Variants in LAMP1 observed in about 807,000 individuals in gnomAD.
The protein encoded by LAMP1 is lysosome-associated membrane glycoprotein 1.
In LAMP1, 7 loss-of-function variants were observed where a neutral mutation model predicts 37.5. The observed-to-expected ratio is 0.19, with a 90% CI of 0.11 to 0.35. LAMP1 has a LOEUF of 0.35. Ranked by LOEUF, LAMP1 falls within the 10% of genes least tolerant of loss-of-function variation. The pLI is 1.00. For synonymous variants in LAMP1, 236 were observed against 229.1 expected (o/e 1.03, Z -0.27); for missense variants, 537 against 552.8 (o/e 0.97, Z 0.29).
rs114822730 is a variant in LAMP1, at chr13:113,301,211, A to G, written c.61+3716A>G. ...AGCTTTTTAGAAATATACATACCAC[A>G]GCGAGGCACAGTGGCTCATGCCTGT... On this transcript the variant is annotated intron_variant, in intron 1 of 8. Transcript: ENST00000332556. Among the ~76,000 whole-genome samples, 355 of 152,276 alleles carry G rather than the reference A, an allele frequency of 2.3e-3. 3 individuals are homozygous for G. The highest frequency in any genetic ancestry group is 8.3e-3 in the African/African-American group (343 of 41,540).
In LAMP1 at chr13:113,297,419, C is replaced by G; in HGVS notation, c.-16C>G. On this transcript the variant is annotated 5_prime_UTR_variant, in exon 1 of 9. Coordinates refer to ENST00000332556, the MANE Select transcript of LAMP1 (RefSeq NM_005561.4). This position sits in a 1 kb window ranked among gnomAD's most constrained non-coding sequence, Gnocchi z 4.4. ...CGCGCCCCCGCTCCCCGCACCGTAC[C>G]CGGCCGCCTCGCGCCATGGCGGCCC... 2.3e-6 allele frequency: 2 copies of G among 858,816 alleles called. No homozygotes were observed. The highest frequency in any genetic ancestry group is 3.1e-6 in the Non-Finnish European group (2 of 644,972). 53.2% of individuals were successfully genotyped at this position (858,816 alleles called of 1,614,324 possible). A position where few individuals can be genotyped will look rare whatever the true frequency, so the allele number is the denominator to read the frequency against.
At position 113,320,310 on chromosome 13, in the gene LAMP1, G is replaced by A; in HGVS notation, c.751-35G>A. The A allele has an allele frequency of 6.2e-7, 1 of 1,613,552 alleles. No individual in the cohort carries two copies. Among genetic ancestry groups the A allele is most frequent in the Non-Finnish European group, 8.5e-7 (1 of 1,179,762 alleles). On this transcript the variant is annotated intron_variant, in intron 5 of 8. Transcript: ENST00000332556. The surrounding 1 kb of genome is among the most constrained non-coding windows in gnomAD (Gnocchi z 4.4). ...CTTTTCGAGAGTGTGGAGGACCTGA[G>A]CTAGGGTGGTGACTTGCTTGCTTGT...
intron 2 of LAMP1, among the ~76,000 whole-genome samples, chr13:113,309,190 A>G (rs962003935): frequency 6.6e-6 from 1 of 151,856 alleles, no homozygotes; most frequent in African/African-American, 2.4e-5. Context: ...GCAGCCTCAA[A>G]CCTAGGCTCA....
chr13:113,301,638 AAAAAAAATATATATATATATATATATAT>A lies in LAMP1; in HGVS notation c.61+4145_61+4172del, dbSNP rs1462414689. Among the ~76,000 whole-genome samples the A allele has an allele frequency of 6.8e-3, 196 of 28,956 alleles. 13 individuals are homozygous for A. The East Asian group carries it at 0.1, about 15-fold the overall frequency. The allele number at this position is 28,956 out of a possible 152,430, so 19.0% of individuals were successfully genotyped here. On this transcript the variant is annotated intron_variant, in intron 1 of 8. Coordinates refer to ENST00000332556, the MANE Select transcript of LAMP1 (RefSeq NM_005561.4). Reference sequence around the variant, plus strand: ...ACTCTGTTTCCATTTAAAAAAAAAAAAAAAAAATATATATATATATATATATATATATATATATATATATATATATATA... The same window carrying A: ...ACTCTGTTTCCATTTAAAAAAAAAAAATATATATATATATATATATATATA...
At chr13:113,311,916 G>A (rs377273862) in intron 4 of LAMP1, among the ~76,000 whole-genome samples, 7 of 152,186 alleles carry the variant, frequency 4.6e-5, no homozygotes, top group African/African-American at 1.7e-4. Context: ...TTGCTGAAGC[G>A]TGAGGGCCTG....
rs978532005 is a variant in LAMP1, at chr13:113,319,530, C to T, written c.624C>T (p.Pro208=). The stretch of plus-strand genomic sequence containing the variant: ...CAGCGCCCCCTGCGCCACCCAGCCC[C>T]TCGCCCTCACCCGTGCCCAAGAGCC... ...PTTAPPAPPS[P]SPSPVPKSPS... Residue 208 remains proline, a synonymous_variant, in exon 5 of 9, where the codon CCC becomes CCT. Coordinates refer to ENST00000332556, the MANE Select transcript of LAMP1 (RefSeq NM_005561.4). The T allele has an allele frequency of 2.5e-6, 4 of 1,614,034 alleles. No homozygotes were observed. Among genetic ancestry groups the T allele is most frequent in the Non-Finnish European group, 2.5e-6 (3 of 1,180,018 alleles).
intron 1 of LAMP1, among the ~76,000 whole-genome samples, chr13:113,298,410 C>T (rs1645442563): frequency 2.0e-5 from 3 of 152,082 alleles, no homozygotes; most frequent in Admixed American, 1.3e-4. Context: ...CACCTCCTCC[C>T]CCCGCCGCCC....
chr13:113,297,622 C>T lies in LAMP1; in HGVS notation c.61+127C>T, dbSNP rs1003823501. On this transcript the variant is annotated intron_variant, in intron 1 of 8. Coordinates refer to ENST00000332556, the MANE Select transcript of LAMP1 (RefSeq NM_005561.4). This position sits in a 1 kb window ranked among gnomAD's most constrained non-coding sequence, Gnocchi z 4.4. ...GCCCCGCACCCACTGCTCCTGGTCCCGGCCGGCTCTGCCCGCGGGCGGGTG... is the reference window on the plus strand; with the variant it reads ...GCCCCGCACCCACTGCTCCTGGTCCTGGCCGGCTCTGCCCGCGGGCGGGTG... The T allele has an allele frequency of 4.5e-6, 4 of 894,592 alleles. No homozygotes were observed. The highest frequency in any genetic ancestry group is 4.2e-5 in the East Asian group (1 of 23,816). 55.4% of individuals were successfully genotyped at this position (894,592 alleles called of 1,614,324 possible).
At chr13:113,303,094 G>T (rs571538760) in intron 1 of LAMP1, among the ~76,000 whole-genome samples, 4 of 152,200 alleles carry the variant, frequency 2.6e-5, no homozygotes, top group South Asian at 4.1e-4. Flanking sequence ...CAAAGCTGGC[G>T]TCAGTGCCGG....
intron 1 of LAMP1, among the ~76,000 whole-genome samples, chr13:113,299,858 C>A (rs1052647007): frequency 3.3e-5 from 5 of 152,120 alleles, no homozygotes; most frequent in African/African-American, 1.2e-4. Context: ...GCCACCGTGC[C>A]TAGCCAAAAT....
rs753909918 is a variant in LAMP1, at chr13:113,297,402, C to G, written c.-33C>G. ...GCGGCCCAACCGCCGCCCGCGCCCC[C>G]GCTCCCCGCACCGTACCCGGCCGCC... is the stretch of plus-strand genomic sequence containing the variant. On this transcript the variant is annotated 5_prime_UTR_variant, in exon 1 of 9. Transcript: ENST00000332556. This position sits in a 1 kb window ranked among gnomAD's most constrained non-coding sequence, Gnocchi z 4.4. 2.5e-5 allele frequency: 17 copies of G among 670,280 alleles called. 1 individual carries two copies. Among genetic ancestry groups the G allele is most frequent in the South Asian group, 5.2e-5 (1 of 19,300 alleles). 41.5% of individuals were successfully genotyped at this position (670,280 alleles called of 1,614,324 possible). A position where few individuals can be genotyped will look rare whatever the true frequency, so the allele number is the denominator to read the frequency against.
In LAMP1 at chr13:113,320,352, C is replaced by A. The variant is rs1304592155; in HGVS notation, c.758C>A (p.Thr253Lys). Reference sequence around the variant, plus strand: ...CTTGCTTGTCTTATGCAGACGGTGACAAGGCTTCTCAACATCAACCCCAAC... The same window carrying A: ...CTTGCTTGTCTTATGCAGACGGTGAAAAGGCTTCTCAACATCAACCCCAAC... ...TYERKDNTTVTRLLNINPNKT... is the reference protein window; with the variant it reads ...TYERKDNTTVKRLLNINPNKT... Residue 253 changes from threonine to lysine, a missense_variant, in exon 6 of 9, where the codon ACA (threonine) becomes AAA (lysine). Transcript: ENST00000332556. This position sits in a 1 kb window ranked among gnomAD's most constrained non-coding sequence, Gnocchi z 4.4. 6.2e-7 allele frequency: 1 copy of A among 1,614,032 alleles called. No individual in the cohort carries two copies. The highest frequency in any genetic ancestry group is 1.7e-5 in the Admixed American group (1 of 60,010).
chr13:113,322,165 C>T lies in LAMP1; in HGVS notation c.1115-117C>T, dbSNP rs998805305. 3 of 1,211,964 alleles carry T rather than the reference C, an allele frequency of 2.5e-6. No individual in the cohort carries two copies. In the Admixed American group the frequency reaches 6.9e-5, roughly 28 times the overall value. 75.1% of individuals were successfully genotyped at this position (1,211,964 alleles called of 1,614,324 possible). On this transcript the variant is annotated intron_variant, in intron 8 of 8. Coordinates refer to ENST00000332556, the MANE Select transcript of LAMP1 (RefSeq NM_005561.4). ...GTGACAATTCCAGCTAGAGCTGGAA[C>T]CTTCCGCCAGGGTTCCTCTTTGCCT...
At chr13:113,317,341 C>T (rs930585445) in intron 4 of LAMP1, among the ~76,000 whole-genome samples, 5 of 152,166 alleles carry the variant, frequency 3.3e-5, no homozygotes, top group African/African-American at 9.7e-5. Context: ...GTATTTAGTA[C>T]GCATTCAGGG....
At chr13:113,300,256 G>A (rs183335419) in intron 1 of LAMP1, among the ~76,000 whole-genome samples, 204 of 152,038 alleles carry the variant, frequency 1.3e-3, no homozygotes, top group African/African-American at 4.5e-3. Context: ...CCAGGTGGGC[G>A]GATCAGCTGA....
chr13:113,299,655 G>C (rs145063911), intron 1 of LAMP1, among the ~76,000 whole-genome samples: 199 of 148,906 alleles, frequency 1.3e-3, no homozygotes, highest in African/African-American at 4.6e-3. Context: ...TGCAGCCTCC[G>C]CCTCTTGTGT....
intron 1 of LAMP1, 130 bp from the exon 2 acceptor site, chr13:113,306,353 CAA>C (rs11423377): frequency 9.3e-4 from 695 of 744,196 alleles, no homozygotes; most frequent in Middle Eastern, 1.9e-3. Context: ...GACTCCGTCT[CAA>C]AAAAAAAAAA....
intron 2 of LAMP1, 72 bp from the exon 3 acceptor site, chr13:113,309,571 A>T: frequency 2.6e-6 from 3 of 1,173,356 alleles, no homozygotes; most frequent in Non-Finnish European, 3.7e-6. Flanking sequence ...TCAGACTTAC[A>T]GAAAATCTCT....
intron 1 of LAMP1, among the ~76,000 whole-genome samples, chr13:113,298,759 A>T (rs1415767711): frequency 1.3e-5 from 2 of 152,270 alleles, no homozygotes; most frequent in Admixed American, 1.3e-4. Context: ...AGTTGCAGAA[A>T]CAAGTTTTGT....
Sources: allele counts gnomAD v4.1 joint callset (sites outside exome capture counted in the v4.1 genomes callset), GRCh38; gene constraint gnomAD v4.1.1; non-coding constraint Gnocchi (gnomAD v3.1); transcripts MANE v1.5; gene names NCBI Gene and HGNC (gene_info 2026-07-23, HGNC 2026-07-21).